The following EXOC2 variants were observed in gnomAD, a reference collection of about 807,000 sequenced individuals.
The protein encoded by EXOC2 is exocyst complex component 2, also known as SEC5-like 1.
A neutral mutation model predicts 131.8 loss-of-function variants in EXOC2; 70 were observed. That is an observed-to-expected ratio of 0.53 (90% CI 0.44 to 0.65). EXOC2 has a LOEUF of 0.65. EXOC2 is among the 30% of genes least tolerant of loss of function. EXOC2 has a pLI of 0.00. For missense variants in EXOC2, 923 were observed against 1,108.6 expected, an observed-to-expected ratio of 0.83 and a Z score of 2.38; for synonymous variants, 411 against 398.4, an observed-to-expected ratio of 1.03 and a Z score of -0.38.
intron 27 of EXOC2, among the ~76,000 whole-genome samples, chr6:487,098 C>T (rs1327425423): frequency 6.6e-6 from 1 of 152,134 alleles, no homozygotes; most frequent in Non-Finnish European, 1.5e-5. Flanking sequence ...TTCAAATTCA[C>T]TTTTTGTTAG....
intron 1 of EXOC2, among the ~76,000 whole-genome samples, chr6:649,917 G>T (rs1762756525): frequency 6.6e-6 from 1 of 152,102 alleles, no homozygotes; most frequent in Admixed American, 6.5e-5. Context: ...CTCCCTATGA[G>T]AAACAATGGA....
At chr6:549,953 G>A (rs1190061869) in intron 21 of EXOC2, among the ~76,000 whole-genome samples, 1 of 152,222 alleles carries the variant, frequency 6.6e-6, no homozygotes, top group Non-Finnish European at 1.5e-5. Flanking sequence ...ACATTCTCCA[G>A]GGTTCTGTCC....
At chr6:508,549 G>A (rs957470779) in intron 23 of EXOC2, among the ~76,000 whole-genome samples, 1 of 152,136 alleles carries the variant, frequency 6.6e-6, no homozygotes, top group African/African-American at 2.4e-5. Flanking sequence ...ACAATATGCA[G>A]CCTTTTCAGT....
At chr6:561,637 G>A (rs1308906240) in intron 17 of EXOC2, among the ~76,000 whole-genome samples, 1 of 152,128 alleles carries the variant, frequency 6.6e-6, no homozygotes, top group Non-Finnish European at 1.5e-5. Flanking sequence ...CCAGGCTGGA[G>A]TACAGTGGCG....
At chr6:602,707 C>G (rs772042241) in intron 7 of EXOC2, among the ~76,000 whole-genome samples, 10 of 152,180 alleles carry the variant, frequency 6.6e-5, no homozygotes, top group Non-Finnish European at 1.3e-4. Context: ...TCTCCAGCAC[C>G]AGTGAATTTG....
chr6:504,483 G>A (rs765420342), intron 23 of EXOC2, among the ~76,000 whole-genome samples: 4 of 152,254 alleles, frequency 2.6e-5, no homozygotes, highest in African/African-American at 9.6e-5. Context: ...GAGGGGCCAT[G>A]CTGCAATTAT....
chr6:495,970 T>C (rs1000441159), intron 25 of EXOC2, among the ~76,000 whole-genome samples: 1 of 152,226 alleles, frequency 6.6e-6, no homozygotes, highest in African/African-American at 2.4e-5. Context: ...ACTGACTTTT[T>C]AAAAAATCTA....
chr6:510,604 C>T (rs532519066), intron 23 of EXOC2, among the ~76,000 whole-genome samples: 6 of 152,202 alleles, frequency 3.9e-5, no homozygotes, highest in East Asian at 1.9e-4. Flanking sequence ...CTCAAATATA[C>T]GCAAGTGGAA....
Position 576,774 on chromosome 6 carries a change from T to C in EXOC2, c.1301A>G (p.Gln434Arg), listed in dbSNP as rs2127600383. 1 of 1,614,096 alleles carries C rather than the reference T, an allele frequency of 6.2e-7. No homozygotes were observed. The highest frequency in any genetic ancestry group is 2.2e-5 in the East Asian group (1 of 44,878). ...TASLKRGSSFQSGRDDTWRYK... is the reference protein window; with the variant it reads ...TASLKRGSSFRSGRDDTWRYK... ...ATACTTACTGTCGTCTCGACCAGAC[T>C]GAAAGCTGCTGCCCCTCTTCAGGGA... The change falls in exon 12 of 28, where the codon CAG becomes CGG. Residue 434 changes from glutamine (Q) to arginine (R), a missense_variant. Physicochemically the swap from Gln to Arg is conservative, Grantham distance 43. Transcript: ENST00000230449.
At chr6:503,088 A>G (rs1413603876) in intron 23 of EXOC2, among the ~76,000 whole-genome samples, 1 of 152,234 alleles carries the variant, frequency 6.6e-6, no homozygotes, top group Admixed American at 6.5e-5. Flanking sequence ...TTGGTAACAA[A>G]AACTTTAATA....
At chr6:488,020 G>T (rs752676916) in intron 27 of EXOC2, among the ~76,000 whole-genome samples, 2 of 152,214 alleles carry the variant, frequency 1.3e-5, no homozygotes, top group Non-Finnish European at 2.9e-5. Flanking sequence ...TCAAATAGAG[G>T]ATGGAAGTTA....
At chr6:647,756 CCACT>C (rs1762643225) in intron 1 of EXOC2, among the ~76,000 whole-genome samples, 1 of 150,484 alleles carries the variant, frequency 6.6e-6, no homozygotes, top group Non-Finnish European at 1.5e-5. Flanking sequence ...CAATTTACTC[CCACT>C]ATTTCAAATC....
intron 6 of EXOC2, among the ~76,000 whole-genome samples, chr6:615,184 T>TGTGTGTGG (rs1554137943): frequency 1.7e-5 from 2 of 115,090 alleles, no homozygotes; most frequent in Admixed American, 1.6e-4. Context: ...TGGGTGTGGG[T>TGTGTGTGG]GTGTGTGTGT....
chr6:511,979 C>CT, intron 23 of EXOC2, among the ~76,000 whole-genome samples: 1 of 152,356 alleles, frequency 6.6e-6, no homozygotes, highest in East Asian at 1.9e-4. Context: ...CCCCTTTACT[C>CT]TTCCTGGTAT....
chr6:537,475 T>C (rs544688256), intron 22 of EXOC2, among the ~76,000 whole-genome samples: 2 of 150,488 alleles, frequency 1.3e-5, no homozygotes, highest in East Asian at 2.0e-4. Context: ...CGACGGAGCG[T>C]ACACTCAAGA....
chr6:589,661 G>A (rs572456611), intron 11 of EXOC2, among the ~76,000 whole-genome samples: 25 of 152,208 alleles, frequency 1.6e-4, no homozygotes, highest in Admixed American at 2.6e-4. Context: ...CTGCACTTCC[G>A]GCTCCTGGCA....
chr6:575,772 T>A (rs920192407), intron 12 of EXOC2, among the ~76,000 whole-genome samples: 1 of 152,234 alleles, frequency 6.6e-6, no homozygotes. Flanking sequence ...TTCCCAAGAA[T>A]AATGTTTCAA....
At chr6:666,412 T>C in intron 1 of EXOC2, among the ~76,000 whole-genome samples, 1 of 30,902 alleles carries the variant, frequency 3.2e-5, no homozygotes, top group Non-Finnish European at 9.9e-5. Context: ...ACAACAGGAA[T>C]TTCAAAAACT....
At chr6:488,165 C>T (rs1455368385) in intron 27 of EXOC2, among the ~76,000 whole-genome samples, 1 of 152,196 alleles carries the variant, frequency 6.6e-6, no homozygotes, top group African/African-American at 2.4e-5. Flanking sequence ...GGCTGGTCTG[C>T]TGCCTGCTCT....
Sources: allele counts gnomAD v4.1 joint callset (sites outside exome capture counted in the v4.1 genomes callset), GRCh38; gene constraint gnomAD v4.1.1; transcripts MANE v1.5; gene names NCBI Gene and HGNC (gene_info 2026-07-23, HGNC 2026-07-21).